The following PCDHA11 variants were observed in gnomAD, a reference collection of about 807,000 sequenced individuals.
PCDHA11 encodes the protein protocadherin alpha-11.
Under a neutral mutation model 70.3 loss-of-function variants are expected in PCDHA11, and 61 were observed. The observed-to-expected ratio is 0.87, with a 90% confidence interval of 0.71 to 1.07. The LOEUF is 1.07. Among genes scored for constraint, PCDHA11 ranks in the 50% least tolerant of loss-of-function variants. PCDHA11 has a pLI of 0.00. For synonymous variants in PCDHA11, 633 were observed against 555.1 expected (o/e 1.14, Z -1.97); for missense variants, 1,324 against 1,237.5 (o/e 1.07, Z -1.05).
intron 3 of PCDHA11, among the ~76,000 whole-genome samples, chr5:140,994,698 C>G (rs1238723224): frequency 6.6e-6 from 1 of 151,898 alleles, no homozygotes; most frequent in Non-Finnish European, 1.5e-5. Context: ...GAATGAGACC[C>G]TGTCTCAAAA....
chr5:140,929,162 G>T (rs2153599635), intron 1 of PCDHA11: 4 of 1,614,060 alleles, frequency 2.5e-6, no homozygotes, highest in Non-Finnish European at 3.4e-6. Context: ...TATCTCTATC[G>T]GGCCTCTCTG....
At chr5:140,880,840 GT>G (rs1554171522) in intron 1 of PCDHA11, among the ~76,000 whole-genome samples, 2 of 152,176 alleles carry the variant, frequency 1.3e-5, no homozygotes, top group Admixed American at 6.5e-5. Flanking sequence ...ATTTTAAATG[GT>G]TGACTATGTA....
chr5:140,981,881 C>T lies in PCDHA11; in HGVS notation c.2451-594C>T, dbSNP rs138571007. Among the ~76,000 whole-genome samples the T allele has an allele frequency of 4.1e-3, 622 of 152,270 alleles. 4 individuals carry two copies. Among genetic ancestry groups the T allele is most frequent in the African/African-American group, 0.014 (590 of 41,550 alleles). ...CAGCAATGTTTTATGCTGAATTAAT[C>T]TCTTCTGAGCGGGGATCTGTGAGTG... On this transcript the variant is annotated intron_variant, in intron 2 of 3. Transcript: ENST00000398640.
rs782118774 is a variant in PCDHA11 at position 140,929,021 on chromosome 5, G to A, written c.2392-49928G>A. ...TTCGTGTGTACCAAGTTGCACCAGAGCCCAGGCTGTTGCGCTCAGAGCTGC... is the reference window on the plus strand; with the variant it reads ...TTCGTGTGTACCAAGTTGCACCAGAACCCAGGCTGTTGCGCTCAGAGCTGC... On this transcript the variant is annotated intron_variant, in intron 1 of 3. Coordinates refer to ENST00000398640, the MANE Select transcript of PCDHA11 (RefSeq NM_018902.5). 5 of 1,614,072 alleles carry A rather than the reference G, an allele frequency of 3.1e-6. No homozygotes were observed. In the African/African-American group the frequency reaches 6.7e-5, roughly 22 times the overall value.
At chr5:140,967,789 T>A (rs782032459) in intron 1 of PCDHA11, 2 of 1,614,076 alleles carry the variant, frequency 1.2e-6, no homozygotes, top group Non-Finnish European at 1.7e-6. Context: ...CTGACCGGGG[T>A]CCAGTGCCCA....
At chr5:141,000,419 ATATTTTTTT>A (rs2097927194) in intron 3 of PCDHA11, among the ~76,000 whole-genome samples, 6 of 60,996 alleles carry the variant, frequency 9.8e-5, no homozygotes, top group Non-Finnish European at 1.1e-4. Flanking sequence ...ATATATATAT[ATATTTTTTT>A]TTTTTTTTTT....
chr5:140,870,012 C>T lies in PCDHA11; in HGVS notation c.909C>T (p.Val303=), dbSNP rs2051581500. The part of the protein sequence containing the change: ...TLDQNNGEVR[V]NGTLDYEENK... Reference sequence around the variant, plus strand: ...ATCAAAATAATGGAGAAGTGAGGGTCAATGGAACTTTAGATTATGAAGAAA... The same window carrying T: ...ATCAAAATAATGGAGAAGTGAGGGTTAATGGAACTTTAGATTATGAAGAAA... The change falls in exon 1 of 4, where the codon GTC becomes GTT. Residue 303 remains valine, a synonymous_variant. Transcript: ENST00000398640. 6.2e-7 allele frequency: 1 copy of T among 1,613,354 alleles called. No individual in the cohort carries two copies. The highest frequency in any genetic ancestry group is 1.3e-5 in the African/African-American group (1 of 74,852).
At chr5:140,968,841 A>G in intron 1 of PCDHA11, 1 of 1,614,222 alleles carries the variant, frequency 6.2e-7, no homozygotes, top group Middle Eastern at 1.6e-4. Context: ...CCTGACACTC[A>G]GAGGCATGTT....
In PCDHA11 at chr5:140,870,001, G is replaced by A. The variant is rs782788057; in HGVS notation, c.898G>A (p.Glu300Lys). ...ATTTACACTAGATCAAAATAATGGA[G>A]AAGTGAGGGTCAATGGAACTTTAGA... Reference protein sequence around the residue: ...HLFTLDQNNGEVRVNGTLDYE... With the variant: ...HLFTLDQNNGKVRVNGTLDYE... The change falls in exon 1 of 4, where the codon GAA (glutamate) becomes AAA (lysine). Residue 300 changes from glutamate (E) to lysine (K), a missense_variant. By Grantham distance (56) the Glu-to-Lys change is moderately conservative (BLOSUM62 1). Transcript: ENST00000398640. The A allele has an allele frequency of 6.2e-7, 1 of 1,613,566 alleles. No homozygotes were observed. The highest frequency in any genetic ancestry group is 8.5e-7 in the Non-Finnish European group (1 of 1,179,794).
intron 1 of PCDHA11, chr5:140,877,258 G>T (rs1206242754): frequency 1.9e-6 from 3 of 1,613,662 alleles, no homozygotes; most frequent in Non-Finnish European, 2.5e-6. Context: ...GAAAGTGCGC[G>T]CGGTGGACGC....
intron 1 of PCDHA11, among the ~76,000 whole-genome samples, chr5:140,934,231 C>T (rs2089713851): frequency 6.6e-6 from 1 of 152,014 alleles, no homozygotes; most frequent in African/African-American, 2.4e-5. Context: ...AAGATTTGTA[C>T]TTAATTGTGG....
chr5:140,967,024 T>G, intron 1 of PCDHA11: 1 of 1,608,238 alleles, frequency 6.2e-7, no homozygotes, highest in Non-Finnish European at 8.5e-7. Flanking sequence ...GTGCGCCCAG[T>G]CCGCGCTACC....
chr5:140,899,936 T>G (rs1443562291), intron 1 of PCDHA11, among the ~76,000 whole-genome samples: 1 of 152,064 alleles, frequency 6.6e-6, no homozygotes, highest in Non-Finnish European at 1.5e-5. Flanking sequence ...GCCTCCTGAA[T>G]AGCTGGGACC....
intron 1 of PCDHA11, among the ~76,000 whole-genome samples, chr5:140,879,868 A>G (rs544274525): frequency 2.0e-5 from 3 of 152,222 alleles, no homozygotes; most frequent in Middle Eastern, 3.4e-3. Context: ...CTCAGCTTTC[A>G]TGGTCACATT....
At chr5:140,999,321 A>G (rs1043394227) in intron 3 of PCDHA11, among the ~76,000 whole-genome samples, 32 of 152,198 alleles carry the variant, frequency 2.1e-4, no homozygotes, top group Non-Finnish European at 3.2e-4. Context: ...ACAGACATTG[A>G]TCTGTGTGAT....
intron 1 of PCDHA11, chr5:140,882,820 C>G (rs782663593): frequency 1.2e-6 from 2 of 1,614,102 alleles, no homozygotes; most frequent in African/African-American, 2.7e-5. Flanking sequence ...ACGCACAAAA[C>G]AGTCTTGAGC....
intron 3 of PCDHA11, among the ~76,000 whole-genome samples, chr5:140,984,330 A>C (rs2097097334): frequency 6.6e-6 from 1 of 152,204 alleles, no homozygotes; most frequent in Admixed American, 6.5e-5. Context: ...CAAATGTGGA[A>C]TAGGAACCAT....
At chr5:140,981,342 G>A (rs2096927846) in intron 2 of PCDHA11, among the ~76,000 whole-genome samples, 1 of 152,176 alleles carries the variant, frequency 6.6e-6, no homozygotes, top group African/African-American at 2.4e-5. Flanking sequence ...GGGAGGGTGA[G>A]GCAGGTGGAT....
At chr5:141,000,417 A>ATTTTT (rs1563652061) in intron 3 of PCDHA11, among the ~76,000 whole-genome samples, 3 of 77,750 alleles carry the variant, frequency 3.9e-5, no homozygotes, top group Non-Finnish European at 7.0e-5. Flanking sequence ...ATATATATAT[A>ATTTTT]TATATTTTTT....
Sources: gnomAD v4.1 joint callset for allele counts (sites outside exome capture counted in the v4.1 genomes callset) on GRCh38, gnomAD v4.1.1 for gene constraint, MANE v1.5 for transcripts, NCBI Gene and HGNC (gene_info 2026-07-23, HGNC 2026-07-21) for gene names.